Variants in TNFSF4 observed in about 807,000 individuals in gnomAD.
The protein encoded by TNFSF4 is tumor necrosis factor ligand superfamily member 4.
In TNFSF4, 4 loss-of-function variants were observed where a neutral mutation model predicts 7.3. That is an observed-to-expected ratio of 0.55 (90% confidence interval 0.27 to 1.25). The LOEUF (loss-of-function observed/expected upper bound fraction) is 1.25. Ranked by LOEUF, TNFSF4 falls within the 50% of genes most tolerant of loss-of-function variation. TNFSF4 has a pLI of 0.12. For synonymous variants in TNFSF4, 76 were observed against 83.7 expected (o/e 0.91, Z 0.50); for missense variants, 181 against 208.8 (o/e 0.87, Z 0.82).
chr1:173,220,678 A>T, the TNFSF4 span, among the ~76,000 whole-genome samples: 1 of 152,302 alleles, frequency 6.6e-6, no homozygotes, highest in South Asian at 2.1e-4. Flanking sequence ...TCCCTCTGCC[A>T]TGTGAGGATA....
chr1:173,440,199 C>A, the TNFSF4 span, among the ~76,000 whole-genome samples: 2 of 152,172 alleles, frequency 1.3e-5, no homozygotes, highest in African/African-American at 4.8e-5. Context: ...TGCAGAACAT[C>A]GACCTTTACA....
chr1:173,326,802 A>C, the TNFSF4 span, among the ~76,000 whole-genome samples: 1 of 152,194 alleles, frequency 6.6e-6, no homozygotes, highest in African/African-American at 2.4e-5. Flanking sequence ...TAGGAATCCA[A>C]CTTACAAGGG....
the TNFSF4 span, among the ~76,000 whole-genome samples, chr1:173,326,005 A>T: frequency 6.1e-4 from 93 of 152,362 alleles, 1 homozygote; most frequent in South Asian, 0.018. Context: ...ATTCCTCCCT[A>T]ACTCATATTA....
the TNFSF4 span, among the ~76,000 whole-genome samples, chr1:173,296,383 GA>G: frequency 1.3e-5 from 2 of 151,894 alleles, no homozygotes; most frequent in African/African-American, 2.4e-5. Context: ...CAAAGAGGAA[GA>G]AAAAAGTGTG....
At chr1:173,416,834 C>T in the TNFSF4 span, among the ~76,000 whole-genome samples, 3 of 151,828 alleles carry the variant, frequency 2.0e-5, no homozygotes, top group East Asian at 1.9e-4. Context: ...TGGACTCAAG[C>T]GATCCACCCG....
the TNFSF4 span, among the ~76,000 whole-genome samples, chr1:173,388,173 T>C: frequency 6.6e-6 from 1 of 152,246 alleles, no homozygotes; most frequent in African/African-American, 2.4e-5. Context: ...TAGTTATATA[T>C]TAGTTTCCCT....
At chr1:173,362,394 A>G in the TNFSF4 span, 1 of 433,406 alleles carries the variant, frequency 2.3e-6, no homozygotes, top group South Asian at 2.0e-5. Context: ...TTTGTGGTCC[A>G]GAAGAATGGC....
At chr1:173,224,583 T>G in the TNFSF4 span, among the ~76,000 whole-genome samples, 1 of 152,228 alleles carries the variant, frequency 6.6e-6, no homozygotes, top group Non-Finnish European at 1.5e-5. Context: ...CTCATTAAAC[T>G]GTCAGAAACA....
chr1:173,438,795 T>C, the TNFSF4 span, among the ~76,000 whole-genome samples: 1 of 152,210 alleles, frequency 6.6e-6, no homozygotes, highest in Non-Finnish European at 1.5e-5. Context: ...AGATCAGTCT[T>C]ATCCAAGCTC....
the TNFSF4 span, among the ~76,000 whole-genome samples, chr1:173,403,957 C>A: frequency 1.3e-5 from 2 of 151,212 alleles, no homozygotes; most frequent in Admixed American, 6.6e-5. Flanking sequence ...TTGTTTAGTG[C>A]CTGAAGGGGG....
chr1:173,344,200 G>A, the TNFSF4 span, among the ~76,000 whole-genome samples: 3 of 152,170 alleles, frequency 2.0e-5, no homozygotes, highest in South Asian at 6.2e-4. Flanking sequence ...ACCACACAAA[G>A]CAAGGCCACA....
At chr1:173,316,331 T>G in the TNFSF4 span, among the ~76,000 whole-genome samples, 1 of 152,116 alleles carries the variant, frequency 6.6e-6, no homozygotes, top group Non-Finnish European at 1.5e-5. Context: ...TGTATTTAAA[T>G]AAATTAATTT....
the TNFSF4 span, chr1:173,175,097 T>G: frequency 6.6e-6 from 1 of 152,192 alleles, no homozygotes; most frequent in Non-Finnish European, 1.5e-5. Flanking sequence ...ACCTTGAAAA[T>G]GTCATAATCT....
chr1:173,289,417 T>C, the TNFSF4 span, among the ~76,000 whole-genome samples: 3 of 152,164 alleles, frequency 2.0e-5, no homozygotes, highest in Admixed American at 2.0e-4. Context: ...GATCCACAAG[T>C]AATTTAACTG....
At chr1:173,314,408 T>C in the TNFSF4 span, among the ~76,000 whole-genome samples, 8 of 152,278 alleles carry the variant, frequency 5.3e-5, no homozygotes, top group East Asian at 1.5e-3. Flanking sequence ...GAATACTTGC[T>C]AGCCCTCAAG....
the TNFSF4 span, among the ~76,000 whole-genome samples, chr1:173,371,378 A>G: frequency 6.6e-6 from 1 of 152,188 alleles, no homozygotes; most frequent in Admixed American, 6.5e-5. Context: ...GCTATTATCT[A>G]TATGAATATG....
the TNFSF4 span, among the ~76,000 whole-genome samples, chr1:173,403,990 A>G: frequency 6.6e-6 from 1 of 152,174 alleles, no homozygotes; most frequent in African/African-American, 2.4e-5. Flanking sequence ...GTAAGAAATG[A>G]TACCGGCACA....
chr1:173,271,386 C>A, the TNFSF4 span, among the ~76,000 whole-genome samples: 1 of 152,092 alleles, frequency 6.6e-6, no homozygotes. Flanking sequence ...TTTCCCAGTA[C>A]CATTTATTAA....
the TNFSF4 span, among the ~76,000 whole-genome samples, chr1:173,430,983 G>C: frequency 6.6e-6 from 1 of 152,130 alleles, no homozygotes. Context: ...CCTCCAAAGT[G>C]GTAAATTTGA....
Sources: allele counts gnomAD v4.1 joint callset (sites outside exome capture counted in the v4.1 genomes callset), GRCh38; gene constraint gnomAD v4.1.1; transcripts MANE v1.5; gene names NCBI Gene and HGNC (gene_info 2026-07-23, HGNC 2026-07-21).